Variants in POLR1A observed in about 807,000 individuals in gnomAD.
The protein encoded by POLR1A is RNA polymerase I subunit A, also known as DNA-directed RNA polymerase I subunit RPA1.
A neutral mutation model predicts 205.3 loss-of-function variants in POLR1A; 84 were observed. The ratio of observed to expected loss-of-function variants is 0.41; its 90% CI spans 0.34 to 0.49. POLR1A has a LOEUF of 0.49. Among genes scored for constraint, POLR1A ranks in the 20% least tolerant of loss-of-function variants. The pLI is 0.22. For synonymous variants in POLR1A, 799 were observed against 863.7 expected (o/e 0.93, Z 1.31); for missense variants, 1,645 against 2,204.5 (o/e 0.75, Z 5.08).
Position 86,078,164 on chromosome 2 carries a change from CA to C in POLR1A, c.1206del (p.Phe402LeufsTer8). 1 of 1,613,476 alleles carries C rather than the reference CA, an allele frequency of 6.2e-7. No homozygotes were observed. The highest frequency in any genetic ancestry group is 8.5e-7 in the Non-Finnish European group (1 of 1,179,924). ...IRLQSHVNIV[F>X]DSEMDKLMMD... ...ATCATTAGTTTGTCCATCTCGCTAT[CA>C]AACACAATATTGACGTGGCTCTGAA... On this transcript the variant is annotated frameshift_variant, in exon 10 of 34. Transcript: ENST00000263857. LOFTEE classifies it high-confidence loss of function.
At chr2:86,089,788 A>C in intron 4 of POLR1A, 34 bp downstream of exon 4, 1 of 1,306,692 alleles carries the variant, frequency 7.7e-7, no homozygotes, top group African/African-American at 1.4e-5. Context: ...AATGATGCCC[A>C]AAACAGCATG....
At chr2:86,089,783 T>C (rs1673568884) in intron 4 of POLR1A, 39 bp downstream of exon 4, 2 of 1,211,952 alleles carry the variant, frequency 1.7e-6, no homozygotes, top group African/African-American at 3.0e-5. Context: ...GATAAAATGA[T>C]GCCCAAAACA....
intron 12 of POLR1A, among the ~76,000 whole-genome samples, chr2:86,071,779 A>G (rs1454685140): frequency 6.6e-6 from 1 of 152,176 alleles, no homozygotes; most frequent in Admixed American, 6.5e-5. Context: ...CTTTAATTAT[A>G]TTAACTACTG....
intron 26 of POLR1A, chr2:86,039,060 C>T: frequency 3.1e-6 from 2 of 644,806 alleles, no homozygotes; most frequent in Non-Finnish European, 5.3e-6. Context: ...GTGGCCTGAA[C>T]CTCCTAGGAG....
chr2:86,052,667 A>T (rs1306990183), intron 16 of POLR1A, 150 bp downstream of exon 16: 2 of 564,786 alleles, frequency 3.5e-6, no homozygotes, highest in East Asian at 3.3e-5. Flanking sequence ...AGCGTGGTGC[A>T]CTGGGGACCT....
At chr2:86,052,595 A>AT (rs1370540027) in intron 16 of POLR1A, among the ~76,000 whole-genome samples, 1 of 152,236 alleles carries the variant, frequency 6.6e-6, no homozygotes, top group Non-Finnish European at 1.5e-5. Context: ...TATGGTCTAC[A>AT]AAGGAAAAGA....
intron 1 of POLR1A, among the ~76,000 whole-genome samples, chr2:86,104,636 C>G (rs1413048290): frequency 6.6e-6 from 1 of 151,978 alleles, no homozygotes. Flanking sequence ...TTAGTAGAGA[C>G]GGGGTTTCAC....
rs114339712 is a variant in POLR1A, at chr2:86,074,901, T to C, written c.1611+129A>G. On this transcript the variant is annotated intron_variant, in intron 12 of 33. Transcript: ENST00000263857. ...AGGTGAATCTAAAAAGCCACCCACG[T>C]GTCGGGGAGCTTCCTCCTAGGGATG... 6.3e-3 allele frequency: 4,097 copies of C among 649,966 alleles called. 24 individuals are homozygous for C. The highest frequency in any genetic ancestry group is 1.0e-2 in the Non-Finnish European group (3,756 of 376,422). 40.3% of individuals were successfully genotyped at this position (649,966 alleles called of 1,614,324 possible). A position where few individuals can be genotyped will look rare whatever the true frequency, so the allele number is the denominator to read the frequency against.
chr2:86,091,182 G>GCCAT (rs1193161832), intron 3 of POLR1A, among the ~76,000 whole-genome samples: 2 of 152,166 alleles, frequency 1.3e-5, no homozygotes, highest in East Asian at 3.8e-4. Context: ...TGGCATCAGT[G>GCCAT]CCATGCACAC....
Position 86,030,343 on chromosome 2 carries a change from T to C in POLR1A, c.4632A>G (p.Val1544=), listed in dbSNP as rs774593104. ...MKINFDMSSL[V]VSLAHGAVIY... is the part of the protein sequence containing the mutation. ...TGACGGCACCATGGGCCAAAGATAC[T>C]ACCAGGGAGCTCATGTCAAAGTTGA... The change falls in exon 31 of 34, where the codon GTA becomes GTG. Residue 1544 remains valine, a synonymous_variant. Coordinates refer to ENST00000263857, the MANE Select transcript of POLR1A (RefSeq NM_015425.6). 3 of 1,614,132 alleles carry C rather than the reference T, an allele frequency of 1.9e-6. No individual in the cohort carries two copies. The highest frequency in any genetic ancestry group is 2.5e-6 in the Non-Finnish European group (3 of 1,179,968).
intron 13 of POLR1A, among the ~76,000 whole-genome samples, chr2:86,066,472 G>A (rs749224888): frequency 1.3e-5 from 2 of 152,196 alleles, no homozygotes; most frequent in Non-Finnish European, 2.9e-5. Context: ...CATAACGCAC[G>A]CTGAAGTAAA....
intron 14 of POLR1A, among the ~76,000 whole-genome samples, chr2:86,054,598 C>A (rs1424525389): frequency 1.3e-5 from 2 of 152,138 alleles, no homozygotes; most frequent in Non-Finnish European, 2.9e-5. Context: ...CCTAAATAGA[C>A]CAAAGGAAGG....
chr2:86,086,600 T>TA lies in POLR1A; in HGVS notation c.730+1965dup, dbSNP rs138954467. On this transcript the variant is annotated intron_variant, in intron 6 of 33. Coordinates refer to ENST00000263857, the MANE Select transcript of POLR1A (RefSeq NM_015425.6). Reference sequence around the variant, plus strand: ...GGCATAATGCTGAGCACCCAACAAATAAATGTGTGCTAAATACTGAATACC... The same window carrying TA: ...GGCATAATGCTGAGCACCCAACAAATAAAATGTGTGCTAAATACTGAATACC... 7.1e-3 allele frequency among the ~76,000 whole-genome samples: 1,089 copies of TA among 152,316 alleles called. 15 individuals carry two copies. The highest frequency in any genetic ancestry group is 0.024 in the African/African-American group (1,013 of 41,566).
At chr2:86,081,727 C>T (rs369955915) in intron 7 of POLR1A, 21 bp from the exon 8 acceptor site, 36 of 1,423,324 alleles carry the variant, frequency 2.5e-5, no homozygotes, top group Non-Finnish European at 3.0e-5. Flanking sequence ...AAGAAATAAA[C>T]CAAGAAGACC....
rs1053979067 is a variant in POLR1A at position 86,065,577 on chromosome 2, C to T, written c.1867-112G>A. On this transcript the variant is annotated intron_variant, in intron 13 of 33. Transcript: ENST00000263857. ...TTCTATCAAGAGCCCTTCTTATATC[C>T]CTGTCTTGTCTTGCCCACATCCTCA... 7.0e-6 allele frequency: 6 copies of T among 851,146 alleles called. No individual in the cohort carries two copies. The Admixed American group carries it at 7.7e-5, about 11-fold the overall frequency. 52.7% of individuals were successfully genotyped at this position (851,146 alleles called of 1,614,324 possible).
intron 6 of POLR1A, among the ~76,000 whole-genome samples, chr2:86,087,186 A>G (rs970838967): frequency 3.3e-5 from 5 of 152,248 alleles, no homozygotes; most frequent in Admixed American, 6.5e-5. Context: ...AATTCTCTGT[A>G]CTATGTTTAC....
At position 86,047,198 on chromosome 2, in the gene POLR1A, C is replaced by T. The variant is rs757233974; in HGVS notation, c.2700G>A (p.Ser900=). The T allele has an allele frequency of 5.1e-5, 82 of 1,614,012 alleles. No homozygotes were observed. Among genetic ancestry groups the T allele is most frequent in the East Asian group, 2.0e-4 (9 of 44,898 alleles). The change falls in exon 19 of 34, where the codon TCG becomes TCA. Residue 900 remains serine (S), a synonymous_variant. Transcript: ENST00000263857. ...PENSLQMMVQ[S]GAKGSTVNTM... ...TGTTCACAGTTGAACCTTTGGCTCC[C>T]GACTGCACCATCATCTGCAGGCTGT...
At chr2:86,039,273 G>GGAT in intron 26 of POLR1A, 54 bp downstream of exon 26, 2 of 1,591,410 alleles carry the variant, frequency 1.3e-6, no homozygotes, top group Non-Finnish European at 1.7e-6. Flanking sequence ...CACATGGGGA[G>GGAT]GATATAGGAA....
At position 86,028,782 on chromosome 2, in the gene POLR1A, C is replaced by T; in HGVS notation, c.4780-71G>A. The T allele has an allele frequency of 1.8e-6, 2 of 1,087,736 alleles. No homozygotes were observed. Among genetic ancestry groups the T allele is most frequent in the Non-Finnish European group, 2.8e-6 (2 of 714,590 alleles). 67.4% of individuals were successfully genotyped at this position (1,087,736 alleles called of 1,614,324 possible). On this transcript the variant is annotated intron_variant, in intron 31 of 33. Coordinates refer to ENST00000263857, the MANE Select transcript of POLR1A (RefSeq NM_015425.6). The surrounding 1 kb of genome is among the most constrained non-coding windows in gnomAD (Gnocchi z 4.5). ...GCTCCCTTCTGCCTGCGTATCTCCCCCTGGCCGCTCTCTCTCTCCTTGTGT... is the reference window on the plus strand; with the variant it reads ...GCTCCCTTCTGCCTGCGTATCTCCCTCTGGCCGCTCTCTCTCTCCTTGTGT...
Sources: gnomAD v4.1 joint callset for allele counts (sites outside exome capture counted in the v4.1 genomes callset) on GRCh38, gnomAD v4.1.1 for gene constraint, Gnocchi (gnomAD v3.1) non-coding constraint, MANE v1.5 for transcripts, NCBI Gene and HGNC (gene_info 2026-07-23, HGNC 2026-07-21) for gene names.